The following ASIC2 variants were observed in gnomAD, a reference collection of about 807,000 sequenced individuals.
ASIC2 encodes acid-sensing ion channel 2.
ASIC2 carries 25 observed loss-of-function variants against 57.3 expected under a neutral mutation model. The ratio of observed to expected loss-of-function variants is 0.44; its 90% CI spans 0.32 to 0.61. The LOEUF (loss-of-function observed/expected upper bound fraction) is 0.61, where lower values mean the gene tolerates loss of function less well. ASIC2 is among the 20% of genes least tolerant of loss of function. ASIC2 has a pLI of 0.06. For synonymous variants in ASIC2, 319 were observed against 307.5 expected, an observed-to-expected ratio of 1.04 and a Z score of -0.39; for missense variants, 641 against 738.1, an observed-to-expected ratio of 0.87 and a Z score of 1.52.
intron 7 of ASIC2, among the ~76,000 whole-genome samples, chr17:33,018,565 G>T (rs1488143699): frequency 6.6e-6 from 1 of 152,204 alleles, no homozygotes; most frequent in Non-Finnish European, 1.5e-5. Flanking sequence ...TTTAACAGGG[G>T]TTCTGAGTCC....
chr17:34,125,679 T>C (rs141520269), intron 1 of ASIC2, among the ~76,000 whole-genome samples: 198 of 152,294 alleles, frequency 1.3e-3, no homozygotes, highest in African/African-American at 4.5e-3. Flanking sequence ...GAATGATTCC[T>C]ATCTTATAAA....
At chr17:33,879,383 C>T (rs1476261288) in intron 1 of ASIC2, among the ~76,000 whole-genome samples, 2 of 152,198 alleles carry the variant, frequency 1.3e-5, no homozygotes, top group Non-Finnish European at 2.9e-5. Context: ...CAGAGACACA[C>T]ATAGGCTCAA....
intron 1 of ASIC2, among the ~76,000 whole-genome samples, chr17:33,578,223 G>A (rs1916702232): frequency 6.6e-6 from 1 of 152,120 alleles, no homozygotes; most frequent in African/African-American, 2.4e-5. Flanking sequence ...ATGATGAGAC[G>A]TTCTGAATGC....
intron 1 of ASIC2, among the ~76,000 whole-genome samples, chr17:33,717,489 C>T (rs1909258812): frequency 6.6e-6 from 1 of 152,068 alleles, no homozygotes; most frequent in Admixed American, 6.5e-5. Context: ...GTCAAAAATC[C>T]TATTTAAAGT....
At chr17:33,324,767 T>C (rs961306778) in intron 1 of ASIC2, among the ~76,000 whole-genome samples, 1 of 152,182 alleles carries the variant, frequency 6.6e-6, no homozygotes, top group Non-Finnish European at 1.5e-5. Context: ...GCACAAAGAC[T>C]GTTTCTGTCT....
intron 1 of ASIC2, among the ~76,000 whole-genome samples, chr17:33,394,591 C>T (rs1910010381): frequency 1.3e-5 from 2 of 152,146 alleles, no homozygotes; most frequent in African/African-American, 4.8e-5. Context: ...GAGACTAGAG[C>T]AGAGCTGAGG....
At chr17:34,107,962 A>G (rs958212515) in intron 1 of ASIC2, among the ~76,000 whole-genome samples, 2 of 151,566 alleles carry the variant, frequency 1.3e-5, no homozygotes, top group African/African-American at 2.4e-5. Flanking sequence ...CACACTTTGT[A>G]GGTATCCAAT....
At chr17:33,428,729 A>T (rs1354461540) in intron 1 of ASIC2, among the ~76,000 whole-genome samples, 1 of 152,174 alleles carries the variant, frequency 6.6e-6, no homozygotes, top group African/African-American at 2.4e-5. Context: ...GGTGTGCCGG[A>T]TGCCCACTTC....
At chr17:33,325,088 C>T (rs1747196228) in intron 1 of ASIC2, among the ~76,000 whole-genome samples, 1 of 152,174 alleles carries the variant, frequency 6.6e-6, no homozygotes, top group Admixed American at 6.5e-5. Flanking sequence ...TATTGAGTAC[C>T]TATTAGGGTC....
At chr17:33,069,197 A>G (rs2092057189) in intron 3 of ASIC2, among the ~76,000 whole-genome samples, 2 of 152,214 alleles carry the variant, frequency 1.3e-5, no homozygotes, top group Non-Finnish European at 1.5e-5. Flanking sequence ...ATCACAGGAC[A>G]TACTTTCTAT....
rs1215884293 is a variant in ASIC2, at chr17:34,112,451, A to G, written c.555+43527T>C. Among the ~76,000 whole-genome samples the G allele has an allele frequency of 2.0e-5, 3 of 151,036 alleles. No homozygotes were observed. The East Asian group carries it at 5.8e-4, about 29-fold the overall frequency. ...TTTTCTGCAGATTTTCAGACGCAAGACAGGCCAAAAAAAAAAAAAAAAGGA... is the reference window on the plus strand; with the variant it reads ...TTTTCTGCAGATTTTCAGACGCAAGGCAGGCCAAAAAAAAAAAAAAAAGGA... On this transcript the variant is annotated intron_variant, in intron 1 of 9. Transcript: ENST00000359872.
intron 7 of ASIC2, among the ~76,000 whole-genome samples, chr17:33,020,804 C>A (rs552514289): frequency 1.3e-5 from 2 of 152,150 alleles, no homozygotes; most frequent in South Asian, 2.1e-4. Context: ...CAGGTCCCAC[C>A]TTTGACCACC....
intron 1 of ASIC2, among the ~76,000 whole-genome samples, chr17:33,452,730 C>T (rs186222775): frequency 1.8e-5 from 2 of 111,618 alleles, no homozygotes; most frequent in African/African-American, 7.7e-5. Context: ...TTGTTTGGAA[C>T]AGAGTGGGGT....
chr17:33,065,118 T>C (rs374363765), intron 3 of ASIC2, among the ~76,000 whole-genome samples: 1 of 152,120 alleles, frequency 6.6e-6, no homozygotes, highest in Admixed American at 6.5e-5. Flanking sequence ...TTTGAGAGTG[T>C]GTTTAATTTA....
At chr17:33,268,688 A>C (rs1567804786) in intron 1 of ASIC2, among the ~76,000 whole-genome samples, 2 of 152,152 alleles carry the variant, frequency 1.3e-5, no homozygotes, top group Non-Finnish European at 2.9e-5. Flanking sequence ...TAACACATAT[A>C]GAGCACCTAC....
At chr17:33,352,278 A>G (rs1043264337) in intron 1 of ASIC2, among the ~76,000 whole-genome samples, 30 of 152,102 alleles carry the variant, frequency 2.0e-4, no homozygotes, top group Admixed American at 1.3e-3. Context: ...CAGGTCACCC[A>G]TCTTGGTGAC....
At chr17:33,249,273 T>TG (rs1908801109) in intron 1 of ASIC2, among the ~76,000 whole-genome samples, 1 of 150,860 alleles carries the variant, frequency 6.6e-6, no homozygotes, top group African/African-American at 2.4e-5. Flanking sequence ...GTTTTAGAAA[T>TG]GGGGGCGTGG....
chr17:33,981,057 T>A (rs1381398059), intron 1 of ASIC2, among the ~76,000 whole-genome samples: 2 of 151,612 alleles, frequency 1.3e-5, no homozygotes, highest in Non-Finnish European at 2.9e-5. Flanking sequence ...TGCCTCAGCC[T>A]CCCAAGTAGC....
At chr17:33,256,447 A>AT (rs199664904) in intron 1 of ASIC2, among the ~76,000 whole-genome samples, 70 of 152,056 alleles carry the variant, frequency 4.6e-4, no homozygotes, top group African/African-American at 1.6e-3. Flanking sequence ...TTCCTATTAT[A>AT]TTTTTTTTAC....
Sources: allele counts gnomAD v4.1 joint callset (sites outside exome capture counted in the v4.1 genomes callset), GRCh38; gene constraint gnomAD v4.1.1; transcripts MANE v1.5; gene names NCBI Gene and HGNC (gene_info 2026-07-23, HGNC 2026-07-21).